The following DNM3 variants were observed in gnomAD, a reference collection of about 807,000 sequenced individuals.
The protein encoded by DNM3 is dynamin-3.
A neutral mutation model predicts 101.6 loss-of-function variants in DNM3; 47 were observed. That is an observed-to-expected ratio of 0.46 (90% CI 0.37 to 0.59). The LOEUF (loss-of-function observed/expected upper bound fraction) is 0.59. Among genes scored for constraint, DNM3 ranks in the 20% least tolerant of loss-of-function variants. The probability of loss-of-function intolerance (pLI) is 0.00; values close to 1 mark genes in which losing one functional copy is unlikely to be tolerated. For missense variants in DNM3, 849 were observed against 1,085.7 expected, an observed-to-expected ratio of 0.78 and a Z score of 3.06; for synonymous variants, 385 against 387.9, an observed-to-expected ratio of 0.99 and a Z score of 0.09.
chr1:172,222,113 G>C (rs1301035982), intron 14 of DNM3, among the ~76,000 whole-genome samples: 1 of 152,106 alleles, frequency 6.6e-6, no homozygotes, highest in Non-Finnish European at 1.5e-5. Flanking sequence ...TGAGCAACAG[G>C]ATCTTTGTTT....
rs554711241 is a variant in DNM3 at position 172,231,161 on chromosome 1, C to T, written c.1660-22412C>T. ...GGTGCCTCCCAGTTAGGCTACTTGG[C>T]GGTCAGGGACCCACTTGAGGAGGCA... is the stretch of plus-strand genomic sequence containing the variant. On this transcript the variant is annotated intron_variant, in intron 14 of 20. Transcript: ENST00000627582. 6.4e-4 allele frequency among the ~76,000 whole-genome samples: 91 copies of T among 141,774 alleles called. 1 individual carries two copies. The highest frequency in any genetic ancestry group is 1.5e-3 in the African/African-American group (58 of 39,768). The allele number at this position is 141,774 out of a possible 152,430, so 93.0% of individuals were successfully genotyped here.
chr1:172,104,444 T>C (rs1427038056), intron 13 of DNM3, among the ~76,000 whole-genome samples: 4 of 152,126 alleles, frequency 2.6e-5, no homozygotes, highest in Non-Finnish European at 5.9e-5. Context: ...TTTTTCATGC[T>C]TATTGACCAC....
chr1:172,090,381 G>A (rs12562173), intron 12 of DNM3, among the ~76,000 whole-genome samples: 4,547 of 152,226 alleles, frequency 0.03, 173 homozygotes, highest in East Asian at 0.14. Context: ...TACTCAAGAC[G>A]CTGTGTGCGC....
chr1:172,008,852 A>G (rs1288138770), intron 4 of DNM3, among the ~76,000 whole-genome samples: 1 of 139,048 alleles, frequency 7.2e-6, no homozygotes, highest in Non-Finnish European at 1.5e-5. Flanking sequence ...AATATATTAT[A>G]TTATATTACT....
At chr1:172,217,181 C>T (rs10489294) in intron 14 of DNM3, among the ~76,000 whole-genome samples, 23,570 of 152,154 alleles carry the variant, frequency 0.15, 2,157 homozygotes, top group African/African-American at 0.26. Flanking sequence ...AGCCTCCTTA[C>T]ACCTCACTCT....
chr1:172,152,791 G>A (rs1432221410), intron 14 of DNM3, among the ~76,000 whole-genome samples: 2 of 152,064 alleles, frequency 1.3e-5, no homozygotes, highest in East Asian at 3.9e-4. Context: ...TTGTGTATGT[G>A]CATGCGGACA....
chr1:172,357,314 T>G (rs1036674923), intron 17 of DNM3, among the ~76,000 whole-genome samples: 1 of 151,936 alleles, frequency 6.6e-6, no homozygotes, highest in African/African-American at 2.4e-5. Flanking sequence ...AATAGAAACT[T>G]TACAGTGGAG....
At chr1:171,875,313 G>T (rs1285574259) in intron 1 of DNM3, among the ~76,000 whole-genome samples, 1 of 152,092 alleles carries the variant, frequency 6.6e-6, no homozygotes, top group Non-Finnish European at 1.5e-5. Flanking sequence ...CCTTTCCTCT[G>T]CAGGCTTGCC....
rs1644963596 is a variant in DNM3 at position 172,408,306 on chromosome 1, T to C, written c.*465T>C. 4 of 986,764 alleles carry C rather than the reference T, an allele frequency of 4.1e-6. No homozygotes were observed. The Admixed American group carries it at 1.8e-4, about 45-fold the overall frequency. 61.1% of individuals were successfully genotyped at this position (986,764 alleles called of 1,614,324 possible). On this transcript the variant is annotated 3_prime_UTR_variant, in exon 21 of 21. Coordinates refer to ENST00000627582, the MANE Select transcript of DNM3 (RefSeq NM_015569.5). Reference sequence around the variant, plus strand: ...ATTAATGCTACTACCTACTCCATAATTGCCTATTTAGCTCCTCTTTTCTTC... The same window carrying C: ...ATTAATGCTACTACCTACTCCATAACTGCCTATTTAGCTCCTCTTTTCTTC...
chr1:172,193,762 T>C (rs2059832931), intron 14 of DNM3, among the ~76,000 whole-genome samples: 1 of 152,136 alleles, frequency 6.6e-6, no homozygotes, highest in South Asian at 2.1e-4. Flanking sequence ...TTCTTCTTTA[T>C]TAGTCTTGCT....
intron 17 of DNM3, among the ~76,000 whole-genome samples, chr1:172,346,904 C>T (rs2066968146): frequency 6.6e-6 from 1 of 152,168 alleles, no homozygotes; most frequent in African/African-American, 2.4e-5. Flanking sequence ...TAACAGGAGC[C>T]TGTCACACAG....
chr1:172,255,689 CCCACATTGGCCATTGTCTTCT>C (rs1275982886), intron 15 of DNM3, among the ~76,000 whole-genome samples: 3 of 152,050 alleles, frequency 2.0e-5, no homozygotes, highest in Admixed American at 2.0e-4. Context: ...TATAGATGTA[CCCACATTGGCCATTGTCTTCT>C]CCTTTGAAAT....
rs1353114691 is a variant in DNM3 at position 172,409,823 on chromosome 1, T to C, written c.*1982T>C. ...CGGATTATATACTTCAGGGTTTGGC[T>C]TTGTGCTAAATGTGGTTTTGTGTTT... On this transcript the variant is annotated 3_prime_UTR_variant, in exon 21 of 21. Transcript: ENST00000627582. The C allele has an allele frequency of 2.0e-6, 2 of 985,776 alleles. No homozygotes were observed. Among genetic ancestry groups the C allele is most frequent in the African/African-American group, 1.7e-5 (1 of 57,342 alleles). The allele number at this position is 985,776 out of a possible 1,614,324, so 61.1% of individuals were successfully genotyped here.
intron 10 of DNM3, among the ~76,000 whole-genome samples, chr1:172,054,817 A>G (rs1003088035): frequency 2.0e-5 from 3 of 151,900 alleles, no homozygotes; most frequent in Admixed American, 6.6e-5. Flanking sequence ...AACTTAGCCA[A>G]TCATGGTGGG....
At chr1:172,200,791 CT>C (rs1299971940) in intron 14 of DNM3, among the ~76,000 whole-genome samples, 1 of 152,094 alleles carries the variant, frequency 6.6e-6, no homozygotes, top group Non-Finnish European at 1.5e-5. Context: ...CCTTCAGCTC[CT>C]TTTTGCCTTA....
At chr1:171,864,871 C>T (rs1287485432) in intron 1 of DNM3, among the ~76,000 whole-genome samples, 3 of 151,034 alleles carry the variant, frequency 2.0e-5, no homozygotes. Flanking sequence ...AAAAAAAAAA[C>T]TAATTGTATA....
chr1:172,028,862 G>A (rs1026000029), intron 4 of DNM3, among the ~76,000 whole-genome samples: 1 of 152,136 alleles, frequency 6.6e-6, no homozygotes, highest in African/African-American at 2.4e-5. Flanking sequence ...AAACCAGGAA[G>A]AAGTTGAATC....
At chr1:171,904,286 C>T (rs566870707) in intron 1 of DNM3, among the ~76,000 whole-genome samples, 4 of 152,170 alleles carry the variant, frequency 2.6e-5, no homozygotes, top group Admixed American at 1.3e-4. Context: ...CCAGCCTGTG[C>T]GGCAGAGTAA....
chr1:172,185,181 A>G (rs1314111095), intron 14 of DNM3, among the ~76,000 whole-genome samples: 1 of 152,034 alleles, frequency 6.6e-6, no homozygotes, highest in Admixed American at 6.6e-5. Context: ...GAAGCTCCTA[A>G]TGCCTCCTTT....
Sources: gnomAD v4.1 joint callset for allele counts (sites outside exome capture counted in the v4.1 genomes callset) on GRCh38, gnomAD v4.1.1 for gene constraint, MANE v1.5 for transcripts, NCBI Gene and HGNC (gene_info 2026-07-23, HGNC 2026-07-21) for gene names.